Variants in TMED3 observed in about 807,000 individuals in gnomAD.
The protein encoded by TMED3 is transmembrane p24 trafficking protein 3.
TMED3 carries 9 observed loss-of-function variants against 15.0 expected under a neutral mutation model. The observed-to-expected ratio is 0.60, with a 90% confidence interval of 0.36 to 1.04. TMED3 has a LOEUF of 1.04. Ranked by LOEUF, TMED3 falls within the 50% of genes least tolerant of loss-of-function variation. The pLI, the probability that TMED3 is intolerant of heterozygous loss-of-function variation, is 0.01. For missense variants in TMED3, 267 were observed against 278.9 expected (o/e 0.96, Z 0.30); for synonymous variants, 117 against 121.4 (o/e 0.96, Z 0.24).
intron 2 of TMED3, among the ~76,000 whole-genome samples, chr15:79,352,930 A>G (rs1197088419): frequency 1.6e-5 from 2 of 123,040 alleles, no homozygotes; most frequent in African/African-American, 6.2e-5. Context: ...AATATATATA[A>G]TATATATACA....
At chr15:79,381,676 C>T (rs887387676) in intron 2 of TMED3, among the ~76,000 whole-genome samples, 7 of 152,206 alleles carry the variant, frequency 4.6e-5, no homozygotes, top group African/African-American at 1.7e-4. Flanking sequence ...TGGAGCCACT[C>T]TCACCTGGCT....
At chr15:79,333,790 T>G (rs1363898290) in intron 2 of TMED3, among the ~76,000 whole-genome samples, 4 of 152,156 alleles carry the variant, frequency 2.6e-5, no homozygotes, top group Non-Finnish European at 5.9e-5. Flanking sequence ...ACTGTGAGAA[T>G]TAGAATTAGT....
At chr15:79,381,522 C>T (rs12324719) in intron 2 of TMED3, among the ~76,000 whole-genome samples, 5,017 of 152,292 alleles carry the variant, frequency 0.033, 265 homozygotes, top group African/African-American at 0.11. Context: ...TCCTCTGAAC[C>T]ATTAGCACTT....
rs1281340950 is a variant in TMED3 at position 79,322,582 on chromosome 15, G to A, written c.*368G>A. On this transcript the variant is annotated 3_prime_UTR_variant, in exon 3 of 3. Transcript: ENST00000299705. ...CCCTGCCTCTGTTTCATGATGCATG[G>A]GTCATTTGTCTTGGGTGTCCTATCC... 9.5e-7 allele frequency: 1 copy of A among 1,049,376 alleles called. No individual in the cohort carries two copies. Among genetic ancestry groups the A allele is most frequent in the African/African-American group, 1.7e-5 (1 of 59,346 alleles). 65.0% of individuals were successfully genotyped at this position (1,049,376 alleles called of 1,614,324 possible). A position where few individuals can be genotyped will look rare whatever the true frequency, so the allele number is the denominator to read the frequency against.
At chr15:79,392,689 G>A (rs921126512) in intron 2 of TMED3, among the ~76,000 whole-genome samples, 2 of 152,140 alleles carry the variant, frequency 1.3e-5, no homozygotes, top group African/African-American at 4.8e-5. Flanking sequence ...GTGTGGTCTT[G>A]TCTGATAATG....
At chr15:79,375,794 A>G (rs1422901930) in intron 2 of TMED3, among the ~76,000 whole-genome samples, 1 of 152,182 alleles carries the variant, frequency 6.6e-6, no homozygotes, top group Non-Finnish European at 1.5e-5. Flanking sequence ...ACTGGGGATT[A>G]CATTTCAGCA....
intron 2 of TMED3, among the ~76,000 whole-genome samples, chr15:79,318,252 G>A (rs1167355691): frequency 6.6e-6 from 1 of 152,096 alleles, no homozygotes; most frequent in African/African-American, 2.4e-5. Context: ...TCTGTTGTTG[G>A]CTGTTTATAC....
intron 2 of TMED3, among the ~76,000 whole-genome samples, chr15:79,334,700 A>G (rs1216855783): frequency 2.0e-5 from 3 of 152,184 alleles, no homozygotes; most frequent in Non-Finnish European, 4.4e-5. Flanking sequence ...GCAAAGTAAC[A>G]AATAGAAGGC....
At chr15:79,318,298 G>T (rs998011975) in intron 2 of TMED3, among the ~76,000 whole-genome samples, 6 of 152,156 alleles carry the variant, frequency 3.9e-5, no homozygotes, top group Admixed American at 3.3e-4. Context: ...TTTAAATTGG[G>T]AACTTTCTGA....
intron 2 of TMED3, among the ~76,000 whole-genome samples, chr15:79,376,538 C>T (rs1893430274): frequency 6.6e-6 from 1 of 152,138 alleles, no homozygotes; most frequent in Non-Finnish European, 1.5e-5. Flanking sequence ...GTTAATTTGT[C>T]AGGGCTGCTT....
At chr15:79,321,939 A>G (rs1027262315) in intron 2 of TMED3, 39 bp from the exon 3 acceptor site, 21 of 1,600,734 alleles carry the variant, frequency 1.3e-5, no homozygotes, top group South Asian at 5.6e-5. Context: ...ACATTTGTCT[A>G]TGGGTTAGCA....
intron 2 of TMED3, among the ~76,000 whole-genome samples, chr15:79,358,108 G>T (rs1464644414): frequency 6.6e-6 from 1 of 152,202 alleles, no homozygotes; most frequent in Non-Finnish European, 1.5e-5. Flanking sequence ...GTCATGAGGG[G>T]AAGACCAGAG....
chr15:79,363,578 A>T (rs977370381), intron 2 of TMED3, among the ~76,000 whole-genome samples: 3 of 152,176 alleles, frequency 2.0e-5, no homozygotes, highest in Non-Finnish European at 2.9e-5. Flanking sequence ...CAAAGGAAAC[A>T]CAAATGGCTG....
At chr15:79,387,594 G>GCA (rs60358297) in intron 2 of TMED3, among the ~76,000 whole-genome samples, 5,800 of 149,382 alleles carry the variant, frequency 0.039, 110 homozygotes, top group South Asian at 0.049. Flanking sequence ...ACATGCACCT[G>GCA]CACACACACA....
At chr15:79,386,393 A>G (rs1375780801) in intron 2 of TMED3, among the ~76,000 whole-genome samples, 1 of 152,194 alleles carries the variant, frequency 6.6e-6, no homozygotes, top group Non-Finnish European at 1.5e-5. Context: ...AGGGCTTTGC[A>G]GCAAAAAGTT....
At chr15:79,361,830 A>G (rs2141240832) in intron 2 of TMED3, among the ~76,000 whole-genome samples, 1 of 152,378 alleles carries the variant, frequency 6.6e-6, no homozygotes, top group Admixed American at 6.5e-5. Context: ...GCAACTTAGA[A>G]TTAACAAGAG....
chr15:79,340,663 C>T (rs575499677), intron 2 of TMED3, among the ~76,000 whole-genome samples: 11 of 152,176 alleles, frequency 7.2e-5, no homozygotes, highest in South Asian at 4.1e-4. Context: ...GTTATTTTTC[C>T]GGCATTTTCT....
intron 2 of TMED3, among the ~76,000 whole-genome samples, chr15:79,410,853 A>C (rs4778695): frequency 0.41 from 62,607 of 151,960 alleles, 13,490 homozygotes; most frequent in Middle Eastern, 0.57. Flanking sequence ...AGTCTATCAC[A>C]ATACATTTCC....
intron 2 of TMED3, among the ~76,000 whole-genome samples, chr15:79,350,121 G>T (rs1330158656): frequency 6.6e-6 from 1 of 152,170 alleles, no homozygotes; most frequent in East Asian, 1.9e-4. Context: ...GTGAATATTT[G>T]TTGAAGGGCT....
Sources: allele counts gnomAD v4.1 joint callset (sites outside exome capture counted in the v4.1 genomes callset), GRCh38; gene constraint gnomAD v4.1.1; transcripts MANE v1.5; gene names NCBI Gene and HGNC (gene_info 2026-07-23, HGNC 2026-07-21).